WDPCP: variants seen among roughly 807,000 people sequenced by gnomAD.
WDPCP encodes WD repeat-containing and planar cell polarity effector protein fritz homolog.
Under a neutral mutation model 93.1 loss-of-function variants are expected in WDPCP, and 71 were observed. That is an observed-to-expected ratio of 0.76 (90% CI 0.63 to 0.93). WDPCP has a LOEUF of 0.93. Among genes scored for constraint, WDPCP ranks in the 40% least tolerant of loss-of-function variants. WDPCP has a pLI of 0.00. For missense variants in WDPCP, 844 were observed against 887.4 expected (o/e 0.95, Z 0.62); for synonymous variants, 315 against 315.0 (o/e 1.00, Z 0.00).
intron 1 of WDPCP, among the ~76,000 whole-genome samples, chr2:63,818,845 G>A (rs1266441157): frequency 6.6e-6 from 1 of 152,160 alleles, no homozygotes; most frequent in Non-Finnish European, 1.5e-5. Flanking sequence ...TTACTTCCAG[G>A]AGGAAGAGAA....
chr2:63,299,903 G>A (rs935495231), intron 13 of WDPCP, among the ~76,000 whole-genome samples: 17 of 152,170 alleles, frequency 1.1e-4, no homozygotes, highest in African/African-American at 2.2e-4. Flanking sequence ...GATGAATGCC[G>A]GCAGGAACTA....
At chr2:63,576,500 T>G (rs1708125558) in intron 1 of WDPCP, among the ~76,000 whole-genome samples, 1 of 152,240 alleles carries the variant, frequency 6.6e-6, no homozygotes, top group South Asian at 2.1e-4. Flanking sequence ...ATGTCCTCTT[T>G]GGGCATGCCA....
intron 2 of WDPCP, among the ~76,000 whole-genome samples, chr2:63,749,631 G>T (rs1023674250): frequency 2.0e-5 from 3 of 152,096 alleles, no homozygotes; most frequent in African/African-American, 7.2e-5. Flanking sequence ...CCTGTTTAAG[G>T]TAGGCTAGGC....
rs557995629 is a variant in WDPCP, at chr2:63,613,970, AC to A, written n.488+36688del. On this transcript the variant is annotated intron_variant and non_coding_transcript_variant, in intron 3 of 4. Coordinates refer to the WDPCP transcript ENST00000467687. ...AAACATCATCACCATGCTCGGACAG[AC>A]TTTTTATTCATTTTTCTGAGAGCAG... Among the ~76,000 whole-genome samples, 106 of 152,234 alleles carry A rather than the reference AC, an allele frequency of 7.0e-4. 1 individual carries two copies. Among genetic ancestry groups the A allele is most frequent in the African/African-American group, 2.4e-3 (101 of 41,538 alleles).
At chr2:63,192,680 T>C (rs1675139549) in intron 14 of WDPCP, among the ~76,000 whole-genome samples, 1 of 152,252 alleles carries the variant, frequency 6.6e-6, no homozygotes, top group Admixed American at 6.5e-5. Context: ...AACAAACTGC[T>C]GAAGTCAAAA....
intron 13 of WDPCP, among the ~76,000 whole-genome samples, chr2:63,300,636 G>A (rs891618737): frequency 1.3e-4 from 20 of 152,180 alleles, no homozygotes; most frequent in African/African-American, 4.3e-4. Context: ...CTTATCCTGT[G>A]TATGAAATAT....
At chr2:63,576,678 C>T (rs1233911204) in intron 1 of WDPCP, among the ~76,000 whole-genome samples, 3 of 152,144 alleles carry the variant, frequency 2.0e-5, no homozygotes, top group Admixed American at 6.5e-5. Context: ...GCTGAAAGAG[C>T]CAACCCTCTA....
chr2:63,460,442 T>A (rs183386179), intron 6 of WDPCP, among the ~76,000 whole-genome samples: 2 of 152,244 alleles, frequency 1.3e-5, no homozygotes, highest in East Asian at 3.9e-4. Context: ...AGCAACAATA[T>A]TATGTATATT....
chr2:63,306,869 A>G (rs1685783793), intron 13 of WDPCP, among the ~76,000 whole-genome samples: 1 of 152,206 alleles, frequency 6.6e-6, no homozygotes, highest in African/African-American at 2.4e-5. Flanking sequence ...CCTATTCAAC[A>G]TAGTGATGGA....
At chr2:63,405,549 GTGT>G (rs1694504428) in intron 9 of WDPCP, among the ~76,000 whole-genome samples, 1 of 148,716 alleles carries the variant, frequency 6.7e-6, no homozygotes, top group Non-Finnish European at 1.5e-5. Flanking sequence ...GTGTGTGTGT[GTGT>G]GTGTGTGTGT....
chr2:63,188,510 T>C (rs949486559), intron 14 of WDPCP, among the ~76,000 whole-genome samples: 2 of 152,066 alleles, frequency 1.3e-5, no homozygotes, highest in African/African-American at 4.8e-5. Context: ...TTTTTGTTTT[T>C]TTTTCAAGAG....
At chr2:63,798,269 C>T (rs1360185693) in intron 2 of WDPCP, among the ~76,000 whole-genome samples, 2 of 152,104 alleles carry the variant, frequency 1.3e-5, no homozygotes, top group African/African-American at 2.4e-5. Flanking sequence ...CACAGAAAAA[C>T]GCAGACTATT....
intron 9 of WDPCP, among the ~76,000 whole-genome samples, chr2:63,427,167 T>G (rs1293098915): frequency 6.6e-6 from 1 of 152,130 alleles, no homozygotes; most frequent in Non-Finnish European, 1.5e-5. Context: ...TGATAGCATG[T>G]GACAGATCAT....
At chr2:63,170,475 GT>G (rs1356301453) in intron 15 of WDPCP, among the ~76,000 whole-genome samples, 2 of 151,918 alleles carry the variant, frequency 1.3e-5, no homozygotes, top group African/African-American at 2.4e-5. Context: ...GTTTCACCAT[GT>G]TGGCCAGGCT....
At chr2:63,783,374 C>T (rs904543248) in intron 2 of WDPCP, among the ~76,000 whole-genome samples, 17 of 152,040 alleles carry the variant, frequency 1.1e-4, no homozygotes, top group African/African-American at 3.9e-4. Context: ...GAGACATGTT[C>T]GCACCACTGC....
intron 2 of WDPCP, among the ~76,000 whole-genome samples, chr2:63,700,143 A>G (rs1669023583): frequency 6.6e-6 from 1 of 151,892 alleles, no homozygotes; most frequent in Non-Finnish European, 1.5e-5. Context: ...TTAGCCAGGC[A>G]TGGTGGTGCA....
At chr2:63,318,239 TG>T (rs1302142182) in intron 12 of WDPCP, among the ~76,000 whole-genome samples, 1 of 152,134 alleles carries the variant, frequency 6.6e-6, no homozygotes, top group African/African-American at 2.4e-5. Context: ...CCAGTCAGAA[TG>T]GCTATTATTA....
chr2:63,807,658 A>G (rs1323737190), intron 2 of WDPCP, among the ~76,000 whole-genome samples: 1 of 152,240 alleles, frequency 6.6e-6, no homozygotes, highest in Non-Finnish European at 1.5e-5. Flanking sequence ...ATATTAGCAA[A>G]AAAGTTAATA....
intron 1 of WDPCP, among the ~76,000 whole-genome samples, chr2:63,818,703 AG>A (rs543087397): frequency 5.1e-4 from 77 of 152,370 alleles, no homozygotes; most frequent in African/African-American, 1.7e-3. Flanking sequence ...GAATATAAAA[AG>A]TATGATTCCT....
Sources: gnomAD v4.1 joint callset for allele counts (sites outside exome capture counted in the v4.1 genomes callset) on GRCh38, gnomAD v4.1.1 for gene constraint, MANE v1.5 for transcripts, NCBI Gene and HGNC (gene_info 2026-07-23, HGNC 2026-07-21) for gene names.